Variants in ME3 observed in about 807,000 individuals in gnomAD.
ME3 encodes malic enzyme 3, also known as NADP-dependent malic enzyme, mitochondrial.
Under a neutral mutation model 68.9 loss-of-function variants are expected in ME3, and 48 were observed. That is an observed-to-expected ratio of 0.70 (90% CI 0.55 to 0.89). The LOEUF (loss-of-function observed/expected upper bound fraction) is 0.89, where lower values mean the gene tolerates loss of function less well. ME3 is among the 40% of genes least tolerant of loss of function. The probability of loss-of-function intolerance (pLI) is 0.00; values close to 1 mark genes in which losing one functional copy is unlikely to be tolerated. For synonymous variants in ME3, 320 were observed against 318.8 expected, an observed-to-expected ratio of 1.00 and a Z score of -0.04; for missense variants, 675 against 797.4, an observed-to-expected ratio of 0.85 and a Z score of 1.85.
intron 2 of ME3, among the ~76,000 whole-genome samples, chr11:86,643,167 T>C (rs1404882126): frequency 1.3e-5 from 2 of 152,190 alleles, no homozygotes; most frequent in African/African-American, 2.4e-5. Flanking sequence ...AAATTCCTTC[T>C]TGACTAGTCT....
chr11:86,460,677 G>A (rs916919957), intron 8 of ME3, among the ~76,000 whole-genome samples: 6 of 152,144 alleles, frequency 3.9e-5, no homozygotes, highest in South Asian at 2.1e-4. Context: ...ATTCTGCATC[G>A]CTTCCTCCTC....
chr11:86,644,482 T>A (rs955734393), intron 2 of ME3, among the ~76,000 whole-genome samples: 1 of 152,126 alleles, frequency 6.6e-6, no homozygotes, highest in African/African-American at 2.4e-5. Flanking sequence ...CACCCTGATT[T>A]TATGCAATTT....
chr11:86,458,323 C>G (rs1950049536), intron 8 of ME3, among the ~76,000 whole-genome samples: 1 of 152,196 alleles, frequency 6.6e-6, no homozygotes, highest in Non-Finnish European at 1.5e-5. Flanking sequence ...GGACACCAAG[C>G]AAAGGCTTTC....
intron 2 of ME3, among the ~76,000 whole-genome samples, chr11:86,572,597 G>T (rs1449914945): frequency 6.6e-6 from 1 of 152,108 alleles, no homozygotes; most frequent in African/African-American, 2.4e-5. Context: ...TCATGTCTCT[G>T]CAAAGGATAT....
intron 2 of ME3, among the ~76,000 whole-genome samples, chr11:86,639,903 G>C (rs115342716): frequency 6.6e-6 from 1 of 152,186 alleles, no homozygotes; most frequent in African/African-American, 2.4e-5. Context: ...GTGATTGGGG[G>C]CAGGATGTAT....
intron 13 of ME3, among the ~76,000 whole-genome samples, chr11:86,446,101 A>T (rs530011530): frequency 2.3e-4 from 35 of 152,134 alleles, no homozygotes; most frequent in Non-Finnish European, 4.6e-4. Context: ...ACCCTTCACC[A>T]CTATTCCCCA....
chr11:86,637,268 C>G lies in ME3; in HGVS notation c.183+34494G>C, dbSNP rs562683747. Among the ~76,000 whole-genome samples, 12 of 149,980 alleles carry G rather than the reference C, an allele frequency of 8.0e-5. No homozygotes were observed. The South Asian group carries it at 2.5e-3, about 31-fold the overall frequency. ...AGCCAGGCTCTTAGGGTTACAAAAA[C>G]TGACAGAACAATCACGGTCCTTGGG... is the stretch of plus-strand genomic sequence containing the variant. On this transcript the variant is annotated intron_variant, in intron 2 of 14. Coordinates refer to ENST00000543262, the Ensembl canonical transcript of ME3.
chr11:86,589,206 T>A (rs931797024), intron 2 of ME3, among the ~76,000 whole-genome samples: 12 of 152,166 alleles, frequency 7.9e-5, no homozygotes, highest in Non-Finnish European at 1.8e-4. Flanking sequence ...AAAATATTTG[T>A]CAGATTTACT....
At chr11:86,566,103 C>T (rs1369952820) in intron 2 of ME3, among the ~76,000 whole-genome samples, 1 of 152,158 alleles carries the variant, frequency 6.6e-6, no homozygotes, top group Non-Finnish European at 1.5e-5. Context: ...TCATGGGAGG[C>T]CCTAGCAACA....
At chr11:86,443,236 C>T (rs1949104647) in intron 13 of ME3, among the ~76,000 whole-genome samples, 1 of 152,210 alleles carries the variant, frequency 6.6e-6, no homozygotes, top group African/African-American at 2.4e-5. Context: ...GCTGGTCCAG[C>T]CTGTTGCATA....
At chr11:86,437,380 T>C (rs1296752661), downstream of ME3, 2 of 152,182 alleles carry the variant, frequency 1.3e-5, no homozygotes, top group Non-Finnish European at 2.9e-5. Flanking sequence ...GATCATTGTA[T>C]ATTTATAGTA....
At chr11:86,490,442 C>G (rs113079009) in intron 6 of ME3, among the ~76,000 whole-genome samples, 1 of 152,058 alleles carries the variant, frequency 6.6e-6, no homozygotes, top group Non-Finnish European at 1.5e-5. Flanking sequence ...CCACATGCTA[C>G]CTTCAAAGTG....
intron 2 of ME3, among the ~76,000 whole-genome samples, chr11:86,614,415 C>T (rs2135219268): frequency 6.6e-6 from 1 of 152,188 alleles, no homozygotes; most frequent in African/African-American, 2.4e-5. Context: ...TAACTTAAAC[C>T]CAAAATACAC....
At position 86,593,664 on chromosome 11, in the gene ME3, G is replaced by GT. The variant is rs550353627; in HGVS notation, c.184-33842dup. Reference sequence around the variant, plus strand: ...TTTTCATCACCCAGAGATAGCCACTGTATCATTTTGTTCTATTTTCTTCCT... The same window carrying GT: ...TTTTCATCACCCAGAGATAGCCACTGTTATCATTTTGTTCTATTTTCTTCCT... On this transcript the variant is annotated intron_variant, in intron 2 of 14. Transcript: ENST00000543262. Among the ~76,000 whole-genome samples, 16 of 146,518 alleles carry GT rather than the reference G, an allele frequency of 1.1e-4. 2 individuals are homozygous for GT. The highest frequency in any genetic ancestry group is 4.0e-4 in the African/African-American group (16 of 39,838).
intron 2 of ME3, among the ~76,000 whole-genome samples, chr11:86,640,452 A>G (rs542783887): frequency 4.6e-5 from 7 of 152,326 alleles, no homozygotes; most frequent in African/African-American, 9.6e-5. Context: ...TGTGGTCCCA[A>G]TATTTGAACA....
chr11:86,635,649 T>C (rs61182121), intron 2 of ME3, among the ~76,000 whole-genome samples: 13,321 of 152,330 alleles, frequency 0.087, 625 homozygotes, highest in Non-Finnish European at 0.11. Flanking sequence ...TTCTACTTTA[T>C]TTCCTGTCTC....
At chr11:86,522,281 C>G (rs1954377146) in intron 4 of ME3, among the ~76,000 whole-genome samples, 1 of 148,262 alleles carries the variant, frequency 6.7e-6, no homozygotes, top group Non-Finnish European at 1.5e-5. Flanking sequence ...AACAAAAAAC[C>G]AGATTAAGAA....
In ME3 at chr11:86,491,986, C is replaced by T. The variant is rs150305638; in HGVS notation, c.706-4546G>A. Among the ~76,000 whole-genome samples the T allele has an allele frequency of 4.4e-3, 667 of 152,202 alleles. 7 individuals are homozygous for T. The highest frequency in any genetic ancestry group is 0.016 in the African/African-American group (648 of 41,540). ...ATCTTCAAGTTTGGAGGCAACGTGC[C>T]GCAGGGGAAAGGACACTGCTGGTCC... On this transcript the variant is annotated intron_variant, in intron 6 of 14. Coordinates refer to ENST00000543262, the Ensembl canonical transcript of ME3.
At position 86,512,291 on chromosome 11, in the gene ME3, A is replaced by G. The variant is rs141533974; in HGVS notation, c.468-3424T>C. Among the ~76,000 whole-genome samples, 903 of 152,334 alleles carry G rather than the reference A, an allele frequency of 5.9e-3. 10 individuals carry two copies. Among genetic ancestry groups the G allele is most frequent in the African/African-American group, 0.021 (865 of 41,566 alleles). Reference sequence around the variant, plus strand: ...ATTCAAAGTAGAGGCTCTCTCCTGTATGCTCTCAAAGTACTCCATCCCTAC... The same window carrying G: ...ATTCAAAGTAGAGGCTCTCTCCTGTGTGCTCTCAAAGTACTCCATCCCTAC... On this transcript the variant is annotated intron_variant, in intron 4 of 14. Transcript: ENST00000543262.
Sources: gnomAD v4.1 joint callset for allele counts (sites outside exome capture counted in the v4.1 genomes callset) on GRCh38, gnomAD v4.1.1 for gene constraint, MANE v1.5 for transcripts, NCBI Gene and HGNC (gene_info 2026-07-23, HGNC 2026-07-21) for gene names.